Variants in REDIC1 observed in about 807,000 individuals in gnomAD.
The protein encoded by REDIC1 is HEI10 Interacting Protein 1.
At chr12:39,712,673 GTATA>G in the REDIC1 span, among the ~76,000 whole-genome samples, 6 of 137,670 alleles carry the variant, frequency 4.4e-5, no homozygotes, top group East Asian at 2.1e-4. Context: ...GTATACATGT[GTATA>G]TATGTATATA....
chr12:39,726,491 C>T, the REDIC1 span, among the ~76,000 whole-genome samples: 1 of 152,148 alleles, frequency 6.6e-6, no homozygotes, highest in East Asian at 1.9e-4. Flanking sequence ...AGGACATGGA[C>T]TCATCCTCTT....
At chr12:39,716,686 C>T in the REDIC1 span, 1 of 1,121,778 alleles carries the variant, frequency 8.9e-7, no homozygotes, top group Non-Finnish European at 1.3e-6. Context: ...CAGATATCTT[C>T]TGCCTGGCAT....
chr12:39,770,599 G>A, the REDIC1 span, among the ~76,000 whole-genome samples: 45 of 152,238 alleles, frequency 3.0e-4, no homozygotes, highest in Non-Finnish European at 5.1e-4. Flanking sequence ...ATCATGGGCT[G>A]TTGGGAACAT....
the REDIC1 span, among the ~76,000 whole-genome samples, chr12:39,687,492 G>A: frequency 6.8e-6 from 1 of 146,940 alleles, no homozygotes; most frequent in South Asian, 2.2e-4. Context: ...AGGTGGGAGT[G>A]CCACACACTT....
At chr12:39,662,754 C>T in the REDIC1 span, among the ~76,000 whole-genome samples, 7 of 151,972 alleles carry the variant, frequency 4.6e-5, no homozygotes, top group Non-Finnish European at 8.8e-5. Flanking sequence ...AGTATGATAC[C>T]TGTGGGCTTG....
chr12:39,703,659 A>G, the REDIC1 span, among the ~76,000 whole-genome samples: 1 of 152,224 alleles, frequency 6.6e-6, no homozygotes, highest in Non-Finnish European at 1.5e-5. Context: ...TGGAGGAATC[A>G]CACTACCTGA....
chr12:39,720,601 G>T, the REDIC1 span, among the ~76,000 whole-genome samples: 3 of 152,072 alleles, frequency 2.0e-5, no homozygotes, highest in African/African-American at 7.2e-5. Context: ...CTCCTGGGAG[G>T]TATAGCAGAT....
chr12:39,654,819 T>G, the REDIC1 span, among the ~76,000 whole-genome samples: 2 of 152,214 alleles, frequency 1.3e-5, no homozygotes, highest in Non-Finnish European at 2.9e-5. Context: ...TGGTATTATT[T>G]CTTTTCTAAG....
At chr12:39,702,166 G>A in the REDIC1 span, among the ~76,000 whole-genome samples, 1 of 151,952 alleles carries the variant, frequency 6.6e-6, no homozygotes, top group Non-Finnish European at 1.5e-5. Flanking sequence ...TTTTTTGAAA[G>A]GATCAACAAA....
the REDIC1 span, among the ~76,000 whole-genome samples, chr12:39,695,849 A>T: frequency 6.6e-6 from 1 of 152,200 alleles, no homozygotes; most frequent in African/African-American, 2.4e-5. Context: ...CCTGATGGTC[A>T]TGGCCATGGG....
At chr12:39,717,437 A>G in the REDIC1 span, among the ~76,000 whole-genome samples, 1 of 152,056 alleles carries the variant, frequency 6.6e-6, no homozygotes, top group African/African-American at 2.4e-5. Flanking sequence ...TATATTTACT[A>G]TTCATTAAGT....
chr12:39,684,654 G>A, the REDIC1 span, among the ~76,000 whole-genome samples: 1 of 152,192 alleles, frequency 6.6e-6, no homozygotes, highest in African/African-American at 2.4e-5. Context: ...TGCAGGTCCA[G>A]ATTACTTGAG....
the REDIC1 span, among the ~76,000 whole-genome samples, chr12:39,654,949 T>C: frequency 6.6e-6 from 1 of 152,220 alleles, no homozygotes; most frequent in Non-Finnish European, 1.5e-5. Context: ...TGTTCTTGAG[T>C]CAATTGTGGT....
the REDIC1 span, among the ~76,000 whole-genome samples, chr12:39,728,541 G>T: frequency 6.6e-6 from 1 of 152,068 alleles, no homozygotes; most frequent in Non-Finnish European, 1.5e-5. Flanking sequence ...TGCTGGATTT[G>T]GTTTGCCGGT....
chr12:39,790,525 C>G, the REDIC1 span, among the ~76,000 whole-genome samples: 2 of 150,728 alleles, frequency 1.3e-5, no homozygotes, highest in Non-Finnish European at 3.0e-5. Flanking sequence ...CAATTTCATC[C>G]ATGTCCCTAC....
the REDIC1 span, chr12:39,721,025 A>G: frequency 1.2e-6 from 2 of 1,613,830 alleles, no homozygotes; most frequent in Non-Finnish European, 1.7e-6. Flanking sequence ...CACATTTTGC[A>G]AAACAAAACC....
chr12:39,723,804 C>G, the REDIC1 span, among the ~76,000 whole-genome samples: 2 of 152,078 alleles, frequency 1.3e-5, no homozygotes, highest in Admixed American at 6.6e-5. Flanking sequence ...TTCACAACAA[C>G]TCTAGGAAGT....
chr12:39,821,210 G>C, the REDIC1 span, among the ~76,000 whole-genome samples: 167 of 152,132 alleles, frequency 1.1e-3, 4 homozygotes, highest in East Asian at 0.029. Context: ...TCAGGAGATC[G>C]AGACCATCCT....
At chr12:39,764,727 CTTTG>C in the REDIC1 span, 1 of 1,611,222 alleles carries the variant, frequency 6.2e-7, no homozygotes, top group East Asian at 2.2e-5. Flanking sequence ...ATAACAAAGT[CTTTG>C]TTTACCAGGT....
Sources: gnomAD v4.1 joint callset for allele counts (sites outside exome capture counted in the v4.1 genomes callset) on GRCh38, gnomAD v4.1.1 for gene constraint, MANE v1.5 for transcripts, NCBI Gene and HGNC (gene_info 2026-07-23, HGNC 2026-07-21) for gene names.